ARHGAP15: variants seen among roughly 807,000 people sequenced by gnomAD.
ARHGAP15 encodes Rho GTPase activating protein 15, also known as rho GTPase-activating protein 15.
ARHGAP15 carries 51 observed loss-of-function variants against 63.7 expected under a neutral mutation model. The observed-to-expected ratio is 0.80, with a 90% CI of 0.64 to 1.01. The LOEUF (loss-of-function observed/expected upper bound fraction) is 1.01, where lower values mean the gene tolerates loss of function less well. Among genes scored for constraint, ARHGAP15 ranks in the 50% least tolerant of loss-of-function variants. The probability of loss-of-function intolerance (pLI) is 0.00; values close to 1 mark genes in which losing one functional copy is unlikely to be tolerated. For missense variants in ARHGAP15, 560 were observed against 564.6 expected (o/e 0.99, Z 0.08); for synonymous variants, 191 against 193.8 (o/e 0.99, Z 0.12).
In ARHGAP15 at chr2:143,673,756, GTGTA is replaced by G. The variant is rs1216760179; in HGVS notation, c.1139-29661_1139-29658del. 5.1e-3 allele frequency among the ~76,000 whole-genome samples: 159 copies of G among 30,988 alleles called. 3 individuals are homozygous for G. Among genetic ancestry groups the G allele is most frequent in the Non-Finnish European group, 5.5e-3 (67 of 12,256 alleles). 20.3% of individuals were successfully genotyped at this position (30,988 alleles called of 152,430 possible). On this transcript the variant is annotated intron_variant, in intron 12 of 13. Coordinates refer to ENST00000295095, the MANE Select transcript of ARHGAP15 (RefSeq NM_018460.4). ...TGTGTGTGTGTGTGTGTGTGTGTGT[GTGTA>G]TATATATATATATATATATATATAA... is the stretch of plus-strand genomic sequence containing the variant.
intron 11 of ARHGAP15, among the ~76,000 whole-genome samples, chr2:143,590,236 C>T (rs11898289): frequency 0.28 from 42,479 of 151,988 alleles, 6,604 homozygotes; most frequent in African/African-American, 0.42. Context: ...GCAATGCTAA[C>T]AGGCAAAATT....
chr2:143,716,645 T>G (rs1438817487), intron 13 of ARHGAP15, among the ~76,000 whole-genome samples: 1 of 152,160 alleles, frequency 6.6e-6, no homozygotes, highest in East Asian at 1.9e-4. Context: ...TGGAGCAAAC[T>G]TCAAAGTGGA....
chr2:143,498,203 T>C (rs1692905382), intron 9 of ARHGAP15, among the ~76,000 whole-genome samples: 1 of 152,220 alleles, frequency 6.6e-6, no homozygotes, highest in South Asian at 2.1e-4. Flanking sequence ...GCCCAAATTT[T>C]GTCCGATATT....
chr2:143,303,022 T>A (rs1187376558), intron 6 of ARHGAP15, among the ~76,000 whole-genome samples: 1 of 152,082 alleles, frequency 6.6e-6, no homozygotes, highest in African/African-American at 2.4e-5. Flanking sequence ...AAGTATGAAT[T>A]AAAGACTTAA....
Position 143,436,941 on chromosome 2 carries a change from AC to A in ARHGAP15, c.604del (p.Leu202TrpfsTer15). 6.2e-7 allele frequency: 1 copy of A among 1,611,514 alleles called. No homozygotes were observed. ...LPKDSSCPSR[N>X]LELFKIQRSS... ...AAGGATTCAAGTTGTCCATCAAGAA[AC>A]CTGGAATTATTCAAAATCCAAAGAT... On this transcript the variant is annotated frameshift_variant, in exon 8 of 14. Transcript: ENST00000295095. LOFTEE classifies it high-confidence loss of function.
rs371475274 is a variant in ARHGAP15, at chr2:143,499,280, T to A, written c.826+11785T>A. Among the ~76,000 whole-genome samples the A allele has an allele frequency of 4.6e-5, 7 of 152,314 alleles. No individual in the cohort carries two copies. The South Asian group carries it at 6.2e-4, about 14-fold the overall frequency. On this transcript the variant is annotated intron_variant, in intron 9 of 13. Coordinates refer to ENST00000295095, the MANE Select transcript of ARHGAP15 (RefSeq NM_018460.4). ...TTATGGTTAGAGCTTAACTTGTTAG[T>A]TCTGCTTTTGCAGCCAATTCAGAAT...
At chr2:143,541,875 G>T (rs937873447) in intron 10 of ARHGAP15, among the ~76,000 whole-genome samples, 1 of 152,196 alleles carries the variant, frequency 6.6e-6, no homozygotes, top group South Asian at 2.1e-4. Flanking sequence ...CAAGCTGTTT[G>T]CTGGGCGAAC....
intron 12 of ARHGAP15, among the ~76,000 whole-genome samples, chr2:143,700,200 C>T (rs1684024006): frequency 6.6e-6 from 1 of 152,146 alleles, no homozygotes; most frequent in African/African-American, 2.4e-5. Context: ...AGAGCTGACT[C>T]TAAGAAAGCT....
chr2:143,624,358 A>G, intron 12 of ARHGAP15, 91 bp downstream of exon 12: 1 of 1,394,534 alleles, frequency 7.2e-7, no homozygotes, highest in Non-Finnish European at 9.5e-7. Flanking sequence ...AATAATAATC[A>G]TGGGGAACAG....
At chr2:143,363,310 G>GA (rs1238655715) in intron 6 of ARHGAP15, among the ~76,000 whole-genome samples, 3 of 152,114 alleles carry the variant, frequency 2.0e-5, no homozygotes, top group African/African-American at 7.2e-5. Context: ...GGAGGCCAAG[G>GA]AGGAGGATCA....
At chr2:143,581,435 A>G (rs565379339) in intron 11 of ARHGAP15, among the ~76,000 whole-genome samples, 40 of 152,218 alleles carry the variant, frequency 2.6e-4, no homozygotes, top group Non-Finnish European at 3.4e-4. Flanking sequence ...TTCATCCTTC[A>G]AAATCAAGCT....
At chr2:143,190,969 C>A (rs1228986018) in intron 2 of ARHGAP15, among the ~76,000 whole-genome samples, 3 of 152,128 alleles carry the variant, frequency 2.0e-5, no homozygotes, top group Admixed American at 2.0e-4. Flanking sequence ...CAGGGTTTCA[C>A]CATGTTGGCC....
chr2:143,544,483 GTATA>G (rs1014250725), intron 10 of ARHGAP15, among the ~76,000 whole-genome samples: 1 of 152,078 alleles, frequency 6.6e-6, no homozygotes, highest in Non-Finnish European at 1.5e-5. Flanking sequence ...ACACACATGT[GTATA>G]TATGTATATG....
At chr2:143,427,360 A>G (rs932205254) in intron 6 of ARHGAP15, among the ~76,000 whole-genome samples, 5 of 152,180 alleles carry the variant, frequency 3.3e-5, no homozygotes, top group African/African-American at 9.6e-5. Context: ...TTGCTTATTT[A>G]TTAATATTAA....
chr2:143,582,674 A>G (rs913950032), intron 11 of ARHGAP15, among the ~76,000 whole-genome samples: 3 of 152,218 alleles, frequency 2.0e-5, no homozygotes, highest in Non-Finnish European at 2.9e-5. Flanking sequence ...GAACTAAAAG[A>G]TGTGGAGACA....
At chr2:143,361,301 C>T (rs761482929) in intron 6 of ARHGAP15, among the ~76,000 whole-genome samples, 27 of 152,140 alleles carry the variant, frequency 1.8e-4, no homozygotes, top group Non-Finnish European at 3.1e-4. Context: ...CCAAGAGGCA[C>T]GTGCCAATTC....
chr2:143,234,452 C>A (rs1693562923), intron 5 of ARHGAP15, among the ~76,000 whole-genome samples: 1 of 152,078 alleles, frequency 6.6e-6, no homozygotes, highest in South Asian at 2.1e-4. Context: ...TAAATGTGTC[C>A]TACTCCAGAG....
intron 1 of ARHGAP15, among the ~76,000 whole-genome samples, chr2:143,143,212 G>T (rs1689441728): frequency 6.6e-6 from 1 of 151,984 alleles, no homozygotes. Context: ...GGAGTATCTA[G>T]TCCCCCAGAT....
intron 5 of ARHGAP15, chr2:143,237,625 GT>G (rs1190646992): frequency 6.6e-6 from 1 of 152,170 alleles, no homozygotes; most frequent in Non-Finnish European, 1.5e-5. Flanking sequence ...CAAATGCATT[GT>G]GTGAAGTCTT....
Sources: allele counts gnomAD v4.1 joint callset (sites outside exome capture counted in the v4.1 genomes callset), GRCh38; gene constraint gnomAD v4.1.1; transcripts MANE v1.5; gene names NCBI Gene and HGNC (gene_info 2026-07-23, HGNC 2026-07-21).